The following C20orf203 variants were observed in gnomAD, a reference collection of about 807,000 sequenced individuals.
The protein encoded by C20orf203 is uncharacterized protein C20orf203.
C20orf203 carries 16 observed loss-of-function variants against 15.9 expected under a neutral mutation model. That is an observed-to-expected ratio of 1.01 (90% CI 0.68 to 1.53). The LOEUF (loss-of-function observed/expected upper bound fraction) is 1.53, where lower values mean the gene tolerates loss of function less well. Among genes scored for constraint, C20orf203 ranks in the 40% most tolerant of loss-of-function variants. C20orf203 has a pLI of 0.00. For synonymous variants in C20orf203, 98 were observed against 97.2 expected (o/e 1.01, Z -0.05); for missense variants, 263 against 247.5 (o/e 1.06, Z -0.42).
intron 5 of C20orf203, among the ~76,000 whole-genome samples, chr20:32,635,719 G>C (rs757570133): frequency 3.9e-5 from 6 of 152,196 alleles, no homozygotes; most frequent in Non-Finnish European, 8.8e-5. Context: ...GCTGAGGTGG[G>C]AGGATCGCTT....
Position 32,650,862 on chromosome 20 carries a change from C to A in C20orf203, c.155G>T (p.Gly52Val), listed in dbSNP as rs1982601616. 2 of 1,455,556 alleles carry A rather than the reference C, an allele frequency of 1.4e-6. No individual in the cohort carries two copies. Among genetic ancestry groups the A allele is most frequent in the Non-Finnish European group, 1.8e-6 (2 of 1,102,044 alleles). The allele number at this position is 1,455,556 out of a possible 1,614,324, so 90.2% of individuals were successfully genotyped here. The change falls in exon 4 of 6, where the codon GGA becomes GTA. Residue 52 changes from glycine to valine, a missense_variant. Physicochemically the swap from Gly to Val is moderately radical, Grantham distance 109. Transcript: ENST00000608990. Reference protein sequence around the residue: ...MLSRATSVLAGLTAHLWDLGG... With the variant: ...MLSRATSVLAVLTAHLWDLGG... ...AAGGTCCCAGAGGTGGGCAGTGAGT[C>A]CAGCCAAGACTGATGTGGCCTGTTG...
intron 4 of C20orf203, among the ~76,000 whole-genome samples, chr20:32,642,156 G>C (rs1982300428): frequency 6.6e-6 from 1 of 152,174 alleles, no homozygotes; most frequent in Non-Finnish European, 1.5e-5. Context: ...TGGGTTATTT[G>C]TGTCTTTATT....
chr20:32,664,125 C>G (rs180726027), intron 1 of C20orf203, among the ~76,000 whole-genome samples: 7 of 152,230 alleles, frequency 4.6e-5, no homozygotes, highest in Non-Finnish European at 1.0e-4. Flanking sequence ...GAGCACCCAG[C>G]TGCTCTGGTC....
Position 32,651,047 on chromosome 20 carries a change from GA to G in C20orf203, c.105del (p.Phe37LeufsTer7). On this transcript the variant is annotated frameshift_variant, in exon 3 of 6. Coordinates refer to ENST00000608990, the MANE Select transcript of C20orf203 (RefSeq NM_182584.4). LOFTEE classifies it high-confidence loss of function. ...CTCAGCATTCCAGTTTTTGTAAAGG[GA>G]AAACTGGCCAGGCGAGGTGGCCACT... ...HRQWPPRLAS[F>X]PFTKTGMLSR... The G allele has an allele frequency of 6.6e-7, 1 of 1,517,180 alleles. No individual in the cohort carries two copies. The highest frequency in any genetic ancestry group is 8.8e-7 in the Non-Finnish European group (1 of 1,130,062). 94.0% of individuals were successfully genotyped at this position (1,517,180 alleles called of 1,614,324 possible).
chr20:32,659,137 A>G (rs376176942), intron 1 of C20orf203, among the ~76,000 whole-genome samples: 7 of 151,992 alleles, frequency 4.6e-5, no homozygotes, highest in East Asian at 3.9e-4. Context: ...TTGGCCTCCT[A>G]AAGTGCTGGG....
chr20:32,666,276 G>A (rs1008791673), intron 1 of C20orf203, among the ~76,000 whole-genome samples: 2 of 151,658 alleles, frequency 1.3e-5, no homozygotes, highest in African/African-American at 4.8e-5. Flanking sequence ...AGACCACCCT[G>A]GGCAATGTGG....
At chr20:32,671,361 G>T (rs1297120694) in intron 1 of C20orf203, among the ~76,000 whole-genome samples, 2 of 152,140 alleles carry the variant, frequency 1.3e-5, no homozygotes, top group Admixed American at 1.3e-4. Context: ...TCAAAATAAA[G>T]AAAGCCTGTC....
intron 1 of C20orf203, among the ~76,000 whole-genome samples, chr20:32,662,922 T>TAG: frequency 7.0e-6 from 1 of 143,044 alleles, no homozygotes; most frequent in African/African-American, 2.7e-5. Context: ...CAGCTAGATA[T>TAG]ATATATATAG....
At chr20:32,639,332 A>T (rs1203396387) in intron 5 of C20orf203, among the ~76,000 whole-genome samples, 7 of 152,238 alleles carry the variant, frequency 4.6e-5, no homozygotes, top group Non-Finnish European at 1.5e-5. Flanking sequence ...CAGTACCAAC[A>T]CCTTTCAAAG....
At chr20:32,667,024 A>T (rs1011275190) in intron 1 of C20orf203, among the ~76,000 whole-genome samples, 5 of 151,424 alleles carry the variant, frequency 3.3e-5, no homozygotes, top group African/African-American at 1.2e-4. Context: ...TAATGAGATG[A>T]TTTACATCCT....
At chr20:32,648,073 C>T (rs1982485886) in intron 4 of C20orf203, among the ~76,000 whole-genome samples, 1 of 152,244 alleles carries the variant, frequency 6.6e-6, no homozygotes, top group Non-Finnish European at 1.5e-5. Context: ...AGATCTGCTA[C>T]TTGGGCTACT....
chr20:32,636,027 C>A (rs1982128877), intron 5 of C20orf203, among the ~76,000 whole-genome samples: 1 of 152,186 alleles, frequency 6.6e-6, no homozygotes, highest in Non-Finnish European at 1.5e-5. Flanking sequence ...CCATCTGGCA[C>A]AGTTCCCCCA....
At chr20:32,648,694 C>T (rs2046992039) in intron 4 of C20orf203, among the ~76,000 whole-genome samples, 1 of 151,244 alleles carries the variant, frequency 6.6e-6, no homozygotes, top group African/African-American at 2.4e-5. Context: ...CCTCGTGATC[C>T]GCCTGCCTCG....
chr20:32,639,646 G>T (rs965735573), intron 5 of C20orf203, among the ~76,000 whole-genome samples: 2 of 126,574 alleles, frequency 1.6e-5, no homozygotes, highest in African/African-American at 5.5e-5. Context: ...AAAAAAAAAA[G>T]TCACCGTGAG....
chr20:32,666,413 G>C (rs553595984), intron 1 of C20orf203, among the ~76,000 whole-genome samples: 1 of 151,278 alleles, frequency 6.6e-6, no homozygotes, highest in Non-Finnish European at 1.5e-5. Context: ...GCTGCAGTGA[G>C]CCAAGATCGT....
chr20:32,633,601 T>C lies in C20orf203; in HGVS notation c.*1969A>G, dbSNP rs1341734075. The C allele has an allele frequency of 6.2e-6, 1 of 161,948 alleles. No homozygotes were observed. The highest frequency in any genetic ancestry group is 2.4e-5 in the African/African-American group (1 of 41,860). 10.0% of individuals were successfully genotyped at this position (161,948 alleles called of 1,614,324 possible). A position where few individuals can be genotyped will look rare whatever the true frequency, so the allele number is the denominator to read the frequency against. ...GGGAAAAAAAGGCATGAATGAAGTA[T>C]TATTATCCTCATTTTATGGGAAAAA... On this transcript the variant is annotated 3_prime_UTR_variant, in exon 6 of 6. Transcript: ENST00000608990.
At chr20:32,659,431 T>C (rs1209589041) in intron 1 of C20orf203, among the ~76,000 whole-genome samples, 4 of 152,356 alleles carry the variant, frequency 2.6e-5, no homozygotes, top group African/African-American at 9.6e-5. Flanking sequence ...GCAGTCCTGC[T>C]AGGTGATGTA....
In C20orf203 at chr20:32,651,987, A is replaced by C. The variant is rs1308520437; in HGVS notation, c.-263-6T>G. 1 of 152,248 alleles carries C rather than the reference A, an allele frequency of 6.6e-6. No individual in the cohort carries two copies. The highest frequency in any genetic ancestry group is 1.5e-5 in the Non-Finnish European group (1 of 68,064). 9.4% of individuals were successfully genotyped at this position (152,248 alleles called of 1,614,324 possible). On this transcript the variant is annotated splice_region_variant and splice_polypyrimidine_tract_variant and intron_variant, in intron 1 of 5. Coordinates refer to ENST00000608990, the MANE Select transcript of C20orf203 (RefSeq NM_182584.4). The stretch of plus-strand genomic sequence containing the variant: ...GCCTTTAAGGGGACCCCAGTCTGGA[A>C]GGAGAGAGAAAACACACATACAAAT...
chr20:32,633,542 G>A lies in C20orf203; in HGVS notation c.*2028C>T, dbSNP rs140682964. The A allele has an allele frequency of 4.7e-4, 71 of 152,524 alleles. No individual in the cohort carries two copies. The highest frequency in any genetic ancestry group is 1.7e-3 in the African/African-American group (69 of 41,546). The allele number at this position is 152,524 out of a possible 1,614,324, so 9.4% of individuals were successfully genotyped here. On this transcript the variant is annotated 3_prime_UTR_variant, in exon 6 of 6. Coordinates refer to ENST00000608990, the MANE Select transcript of C20orf203 (RefSeq NM_182584.4). ...GCTCCTTCTCAGCCTCCTGTCCTGG[G>A]CCCACAGCAGACATACAACAAATGT...
Sources: allele counts gnomAD v4.1 joint callset (sites outside exome capture counted in the v4.1 genomes callset), GRCh38; gene constraint gnomAD v4.1.1; transcripts MANE v1.5; gene names NCBI Gene and HGNC (gene_info 2026-07-23, HGNC 2026-07-21).